The following SCD5 variants were observed in gnomAD, a reference collection of about 807,000 sequenced individuals.
The protein encoded by SCD5 is stearoyl-CoA desaturase 5.
A neutral mutation model predicts 30.4 loss-of-function variants in SCD5; 20 were observed. That is an observed-to-expected ratio of 0.66 (90% confidence interval 0.46 to 0.96). SCD5 has a LOEUF of 0.96. Ranked by LOEUF, SCD5 falls within the 40% of genes least tolerant of loss-of-function variation. The probability of loss-of-function intolerance (pLI) is 0.00; values close to 1 mark genes in which losing one functional copy is unlikely to be tolerated. For synonymous variants in SCD5, 173 were observed against 176.4 expected, an observed-to-expected ratio of 0.98 and a Z score of 0.16; for missense variants, 381 against 443.3, an observed-to-expected ratio of 0.86 and a Z score of 1.26.
At chr4:82,736,742 G>A (rs550615418) in intron 1 of SCD5, among the ~76,000 whole-genome samples, 4 of 151,816 alleles carry the variant, frequency 2.6e-5, no homozygotes, top group Admixed American at 6.5e-5. Flanking sequence ...AACTCACTGT[G>A]GCCTCGACCT....
chr4:82,641,339 A>G (rs758185571), intron 3 of SCD5, among the ~76,000 whole-genome samples: 4 of 151,418 alleles, frequency 2.6e-5, no homozygotes, highest in Non-Finnish European at 4.4e-5. Flanking sequence ...ACTGGCAGAG[A>G]TCTATATATC....
intron 1 of SCD5, among the ~76,000 whole-genome samples, chr4:82,734,889 C>T (rs1353345624): frequency 1.3e-5 from 2 of 152,038 alleles, no homozygotes; most frequent in Non-Finnish European, 2.9e-5. Flanking sequence ...CTCAGCCTCC[C>T]AGAGTGCTGG....
rs115534728 is a variant in SCD5 at position 82,787,521 on chromosome 4, C to T, written c.232+10785G>A. On this transcript the variant is annotated intron_variant, in intron 1 of 4. Coordinates refer to ENST00000319540, the MANE Select transcript of SCD5 (RefSeq NM_001037582.3). ...CAGCAGCCACGCCCTCCGCTTCCTT[C>T]GAGCCAGAGCCTCTGTTTCATTTGG... 4.7e-3 allele frequency among the ~76,000 whole-genome samples: 719 copies of T among 152,292 alleles called. 2 individuals are homozygous for T. Among genetic ancestry groups the T allele is most frequent in the African/African-American group, 0.016 (675 of 41,552 alleles).
intron 1 of SCD5, among the ~76,000 whole-genome samples, chr4:82,717,108 T>C (rs72916891): frequency 0.023 from 3,539 of 151,864 alleles, 206 homozygotes; most frequent in African/African-American, 0.079. Context: ...CAACCCCCTA[T>C]ACATACTGAA....
intron 1 of SCD5, among the ~76,000 whole-genome samples, chr4:82,769,630 T>C (rs1227531993): frequency 6.6e-6 from 1 of 152,182 alleles, no homozygotes; most frequent in Non-Finnish European, 1.5e-5. Flanking sequence ...TTGAAAATAC[T>C]GCAAAGTGGT....
At position 82,641,050 on chromosome 4, in the gene SCD5, C is replaced by T. The variant is rs148654542; in HGVS notation, c.570-4227G>A. Among the ~76,000 whole-genome samples, 68 of 152,152 alleles carry T rather than the reference C, an allele frequency of 4.5e-4. No homozygotes were observed. In the East Asian group the frequency reaches 0.013, roughly 28 times the overall value. Reference sequence around the variant, plus strand: ...GGTTTCTCTTCTGTAAAATGCTGTGCTAATAAATGTATTGGGTGCTTACTA... The same window carrying T: ...GGTTTCTCTTCTGTAAAATGCTGTGTTAATAAATGTATTGGGTGCTTACTA... On this transcript the variant is annotated intron_variant, in intron 3 of 4. Transcript: ENST00000319540.
At chr4:82,784,156 C>T (rs1273179074) in intron 1 of SCD5, among the ~76,000 whole-genome samples, 3 of 152,140 alleles carry the variant, frequency 2.0e-5, no homozygotes, top group South Asian at 4.1e-4. Context: ...TTACACATCA[C>T]AGTAAAATGG....
At chr4:82,782,224 G>T (rs1721888895) in intron 1 of SCD5, among the ~76,000 whole-genome samples, 1 of 151,758 alleles carries the variant, frequency 6.6e-6, no homozygotes, top group South Asian at 2.1e-4. Flanking sequence ...CTCTCCAAAT[G>T]AGGTGATTAT....
chr4:82,787,795 G>A (rs532364487), intron 1 of SCD5, among the ~76,000 whole-genome samples: 2 of 152,344 alleles, frequency 1.3e-5, no homozygotes, highest in African/African-American at 2.4e-5. Context: ...TTGGGAGGCT[G>A]AAGTGGAAGG....
At chr4:82,633,812 TA>T (rs1436685329) in intron 4 of SCD5, among the ~76,000 whole-genome samples, 1 of 152,230 alleles carries the variant, frequency 6.6e-6, no homozygotes, top group Non-Finnish European at 1.5e-5. Context: ...GTATACAATT[TA>T]ATGGCTTTTA....
At chr4:82,713,107 A>G (rs1186010310) in intron 1 of SCD5, among the ~76,000 whole-genome samples, 1 of 152,212 alleles carries the variant, frequency 6.6e-6, no homozygotes, top group Non-Finnish European at 1.5e-5. Context: ...CTGCAGAAAG[A>G]TATGTTCTCT....
intron 2 of SCD5, among the ~76,000 whole-genome samples, chr4:82,704,431 T>G (rs1301960338): frequency 2.0e-5 from 3 of 152,168 alleles, no homozygotes; most frequent in Non-Finnish European, 4.4e-5. Flanking sequence ...AGATTAGGAA[T>G]TGGGAAAACA....
At chr4:82,725,469 T>A in intron 1 of SCD5, among the ~76,000 whole-genome samples, 1 of 152,190 alleles carries the variant, frequency 6.6e-6, no homozygotes. Flanking sequence ...CAAACAAAAA[T>A]GACAGCTATG....
chr4:82,768,706 A>C (rs1578060380), intron 1 of SCD5, among the ~76,000 whole-genome samples: 1 of 152,352 alleles, frequency 6.6e-6, no homozygotes, highest in East Asian at 1.9e-4. Context: ...TAAAGGTGCG[A>C]GTCAAAGAAG....
At chr4:82,667,548 A>C (rs1331602933) in intron 3 of SCD5, among the ~76,000 whole-genome samples, 1 of 152,228 alleles carries the variant, frequency 6.6e-6, no homozygotes, top group African/African-American at 2.4e-5. Context: ...TGGCTACAAC[A>C]ACCATGTCTC....
chr4:82,731,588 T>C (rs1176711738), intron 1 of SCD5, among the ~76,000 whole-genome samples: 1 of 152,210 alleles, frequency 6.6e-6, no homozygotes, highest in Non-Finnish European at 1.5e-5. Flanking sequence ...CCAGTTCTGC[T>C]CTTGCAGCCT....
chr4:82,792,643 ACC>A (rs1429457760), intron 1 of SCD5, among the ~76,000 whole-genome samples: 1 of 152,162 alleles, frequency 6.6e-6, no homozygotes, highest in Admixed American at 6.5e-5. Context: ...ATCACTTTGA[ACC>A]CAGGAGGTTG....
chr4:82,777,322 T>A (rs540970045), intron 1 of SCD5, among the ~76,000 whole-genome samples: 1 of 152,358 alleles, frequency 6.6e-6, no homozygotes, highest in South Asian at 2.1e-4. Flanking sequence ...ATGTGTTTTC[T>A]CGCCAAGAAT....
chr4:82,732,341 T>C lies in SCD5; in HGVS notation c.233-26928A>G, dbSNP rs189511906. 4.5e-4 allele frequency among the ~76,000 whole-genome samples: 68 copies of C among 152,302 alleles called. No individual in the cohort carries two copies. The East Asian group carries it at 0.013, about 29-fold the overall frequency. On this transcript the variant is annotated intron_variant, in intron 1 of 4. Coordinates refer to ENST00000319540, the MANE Select transcript of SCD5 (RefSeq NM_001037582.3). The stretch of plus-strand genomic sequence containing the variant: ...CCGACCTCAAGTGATCCGCCTACCT[T>C]GGCCTCCCAAAGTGCTTGGATTACA...
Sources: allele counts gnomAD v4.1 joint callset (sites outside exome capture counted in the v4.1 genomes callset), GRCh38; gene constraint gnomAD v4.1.1; transcripts MANE v1.5; gene names NCBI Gene and HGNC (gene_info 2026-07-23, HGNC 2026-07-21).